ZNF527: variants seen among roughly 807,000 people sequenced by gnomAD.
ZNF527 encodes zinc finger protein 527.
ZNF527 carries 5 observed loss-of-function variants against 13.5 expected under a neutral mutation model. The ratio of observed to expected loss-of-function variants is 0.37; its 90% confidence interval spans 0.19 to 0.78. ZNF527 has a LOEUF of 0.78. Among genes scored for constraint, ZNF527 ranks in the 30% least tolerant of loss-of-function variants. The pLI, the probability that ZNF527 is intolerant of heterozygous loss-of-function variation, is 0.48. For synonymous variants in ZNF527, 209 were observed against 243.1 expected (o/e 0.86, Z 1.30); for missense variants, 628 against 726.4 (o/e 0.86, Z 1.56).
rs769851521 is a variant in ZNF527, at chr19:37,379,167, G to A, written c.81G>A (p.Glu27=). The A allele has an allele frequency of 3.7e-6, 6 of 1,614,022 alleles. No homozygotes were observed. The highest frequency in any genetic ancestry group is 2.5e-6 in the Non-Finnish European group (3 of 1,179,982). The change falls in exon 3 of 5, where the codon GAG becomes GAA. Residue 27 remains glutamate (E), a synonymous_variant. Transcript: ENST00000436120. ...RDVALDFSQE[E]WEWLKPSQKD... ...TGGCGCTAGACTTTTCCCAAGAAGA[G>A]TGGGAATGGCTGAAGCCATCTCAGA...
chr19:37,378,350 A>T (rs1028685560), intron 2 of ZNF527, among the ~76,000 whole-genome samples: 2 of 152,000 alleles, frequency 1.3e-5, no homozygotes, highest in African/African-American at 4.8e-5. Flanking sequence ...ATTTTTGATT[A>T]AAAAAAGAGA....
chr19:37,379,857 T>A (rs923667525), intron 3 of ZNF527, among the ~76,000 whole-genome samples: 17 of 152,304 alleles, frequency 1.1e-4, no homozygotes, highest in African/African-American at 4.1e-4. Flanking sequence ...GGGAATTTGT[T>A]AAAATGCAAA....
chr19:37,384,048 G>A (rs1325650182), intron 4 of ZNF527, among the ~76,000 whole-genome samples: 2 of 151,982 alleles, frequency 1.3e-5, no homozygotes, highest in African/African-American at 4.8e-5. Flanking sequence ...GGCTGGGTGT[G>A]GTGGCTCATG....
rs139521280 is a variant in ZNF527 at position 37,375,519 on chromosome 19, G to A, written c.33+1288G>A. Reference sequence around the variant, plus strand: ...TGGGACTATAGGCACACACCACCACGCCCAGCTAATTTTTGTATTTTTAGT... The same window carrying A: ...TGGGACTATAGGCACACACCACCACACCCAGCTAATTTTTGTATTTTTAGT... On this transcript the variant is annotated intron_variant, in intron 2 of 4. Transcript: ENST00000436120. Among the ~76,000 whole-genome samples, 68 of 151,302 alleles carry A rather than the reference G, an allele frequency of 4.5e-4. No individual in the cohort carries two copies. The East Asian group carries it at 0.012, about 27-fold the overall frequency.
In ZNF527 at chr19:37,388,788, G is replaced by A. The variant is rs777888168; in HGVS notation, c.739G>A (p.Glu247Lys). Residue 247 changes from glutamate to lysine, a missense_variant, in exon 5 of 5, where the codon GAA (glutamate) becomes AAA (lysine). Glu to Lys is a moderately conservative substitution (Grantham distance 56, BLOSUM62 1). Coordinates refer to ENST00000436120, the MANE Select transcript of ZNF527 (RefSeq NM_032453.2). ...IGIPPGEKPY[E>K]SHDFSKLLSF... ...AATTCCTCCTGGGGAGAAACCTTAT[G>A]AAAGTCATGATTTTTCAAAGCTCTT... is the stretch of plus-strand genomic sequence containing the variant. The A allele has an allele frequency of 1.3e-5, 21 of 1,612,904 alleles. No individual in the cohort carries two copies. In the Admixed American group the frequency reaches 3.5e-4, roughly 27 times the overall value.
intron 4 of ZNF527, among the ~76,000 whole-genome samples, chr19:37,384,621 C>T (rs1388623616): frequency 6.6e-6 from 1 of 152,184 alleles, no homozygotes; most frequent in Non-Finnish European, 1.5e-5. Flanking sequence ...TATGCTCGTA[C>T]TAACAATGAC....
intron 2 of ZNF527, among the ~76,000 whole-genome samples, chr19:37,378,642 T>C (rs2040626975): frequency 6.6e-6 from 1 of 152,232 alleles, no homozygotes; most frequent in Non-Finnish European, 1.5e-5. Flanking sequence ...ATGAAAATTC[T>C]ATCTAAGTTG....
rs910219130 is a variant in ZNF527 at position 37,389,755 on chromosome 19, T to C, written c.1706T>C (p.Leu569Pro). The change falls in exon 5 of 5, where the codon CTA becomes CCA. Residue 569 changes from leucine to proline, a missense_variant. Physicochemically the swap from Leu to Pro is moderately conservative, Grantham distance 98 (BLOSUM62 -3). Around this residue, in one of 3 missense-constraint regions of ZNF527, gnomAD observed 592 missense variants for 678.0 expected, o/e 0.87. Transcript: ENST00000436120. ...AAGGCTTTTCATCAGATCTTGTCCC[T>C]AAGACTACACCAGAGAATTCACGCT... is the stretch of plus-strand genomic sequence containing the variant. ...CGKAFHQILS[L>P]RLHQRIHAGE... 6.2e-7 allele frequency: 1 copy of C among 1,613,848 alleles called. No homozygotes were observed. Among genetic ancestry groups the C allele is most frequent in the African/African-American group, 1.3e-5 (1 of 75,054 alleles).
chr19:37,374,129 T>A, intron 1 of ZNF527, 29 bp from the exon 2 acceptor site: 1 of 1,489,358 alleles, frequency 6.7e-7, no homozygotes, highest in Non-Finnish European at 9.4e-7. Context: ...TGGCACATCA[T>A]CATTTCTTCA....
In ZNF527 at chr19:37,388,955, T is replaced by C. The variant is rs756422760; in HGVS notation, c.906T>C (p.Tyr302=). ...GAATTCACAGTGGAGAAAAACCATA[T>C]GCATGCAATGACTGTGGAAAAGCCT... ...PQRIHSGEKP[Y]ACNDCGKAFS... Residue 302 remains tyrosine, a synonymous_variant, in exon 5 of 5, where the codon TAT becomes TAC. Transcript: ENST00000436120. 9 of 1,461,106 alleles carry C rather than the reference T, an allele frequency of 6.2e-6. No individual in the cohort carries two copies. The highest frequency in any genetic ancestry group is 3.5e-5 in the Admixed American group (2 of 57,008). The allele number at this position is 1,461,106 out of a possible 1,614,324, so 90.5% of individuals were successfully genotyped here. A position where few individuals can be genotyped will look rare whatever the true frequency, so the allele number is the denominator to read the frequency against.
At chr19:37,373,867 T>C (rs1600261551) in intron 1 of ZNF527, among the ~76,000 whole-genome samples, 1 of 151,602 alleles carries the variant, frequency 6.6e-6, no homozygotes, top group Admixed American at 6.6e-5. Flanking sequence ...GGCGGAAGGG[T>C]AGGAAATTAG....
Position 37,391,391 on chromosome 19 carries a change from GAA to G in ZNF527, c.*1514_*1515del, listed in dbSNP as rs2040751046. On this transcript the variant is annotated 3_prime_UTR_variant, in exon 5 of 5. Transcript: ENST00000436120. The stretch of plus-strand genomic sequence containing the variant: ...TCGAGACCAGCCTGACCAACATGGA[GAA>G]ACCCCGTCTCTACTAAAAATACAAA... 1 of 151,978 alleles carries G rather than the reference GAA, an allele frequency of 6.6e-6. No homozygotes were observed. The highest frequency in any genetic ancestry group is 2.1e-4 in the South Asian group (1 of 4,824). The allele number at this position is 151,978 out of a possible 1,614,324, so 9.4% of individuals were successfully genotyped here. A position where few individuals can be genotyped will look rare whatever the true frequency, so the allele number is the denominator to read the frequency against.
chr19:37,382,184 A>G (rs1419645570), intron 4 of ZNF527, among the ~76,000 whole-genome samples: 1 of 152,092 alleles, frequency 6.6e-6, no homozygotes, highest in Admixed American at 6.6e-5. Context: ...TTTATTGGGA[A>G]ATGGTGTTTA....
intron 4 of ZNF527, among the ~76,000 whole-genome samples, chr19:37,383,572 CTTG>C (rs1417563280): frequency 7.0e-6 from 1 of 142,164 alleles, no homozygotes; most frequent in Non-Finnish European, 1.5e-5. Flanking sequence ...GAGTTTTTCT[CTTG>C]TTGTCCAGGC....
chr19:37,371,611 C>T (rs1311441559), intron 1 of ZNF527, among the ~76,000 whole-genome samples: 1 of 152,066 alleles, frequency 6.6e-6, no homozygotes, highest in Admixed American at 6.6e-5. Context: ...GATACAATTG[C>T]GTTTGAATGT....
intron 2 of ZNF527, among the ~76,000 whole-genome samples, chr19:37,375,487 G>A (rs998414303): frequency 1.3e-5 from 2 of 150,358 alleles, no homozygotes; most frequent in African/African-American, 2.4e-5. Flanking sequence ...TCAGCTTTCC[G>A]GGTAGCTGGG....
rs73930978 is a variant in ZNF527, at chr19:37,374,367, C to A, written c.33+136C>A. 866 of 776,220 alleles carry A rather than the reference C, an allele frequency of 1.1e-3. 6 individuals are homozygous for A. In the African/African-American group the frequency reaches 0.014, roughly 12 times the overall value. The allele number at this position is 776,220 out of a possible 1,614,324, so 48.1% of individuals were successfully genotyped here. A position where few individuals can be genotyped will look rare whatever the true frequency, so the allele number is the denominator to read the frequency against. On this transcript the variant is annotated intron_variant, in intron 2 of 4. Transcript: ENST00000436120. The stretch of plus-strand genomic sequence containing the variant: ...TCCACCTTTTGTTCATATAATCCTT[C>A]TACAAAACATTTAATATCTTTTTTA...
chr19:37,389,765 C>T lies in ZNF527; in HGVS notation c.1716C>T (p.His572=). Residue 572 remains histidine, a synonymous_variant, in exon 5 of 5, where the codon CAC becomes CAT. Transcript: ENST00000436120. The stretch of plus-strand genomic sequence containing the variant: ...ATCAGATCTTGTCCCTAAGACTACA[C>T]CAGAGAATTCACGCTGGAGAAAAAC... The part of the protein sequence containing the change: ...AFHQILSLRL[H]QRIHAGEKPY... The T allele has an allele frequency of 6.2e-7, 1 of 1,613,676 alleles. No individual in the cohort carries two copies. Among genetic ancestry groups the T allele is most frequent in the Non-Finnish European group, 8.5e-7 (1 of 1,180,002 alleles).
In ZNF527 at chr19:37,380,261, C is replaced by A. The variant is rs202185704; in HGVS notation, c.161-16C>A. On this transcript the variant is annotated splice_polypyrimidine_tract_variant and intron_variant, in intron 3 of 4. Transcript: ENST00000436120. Reference sequence around the variant, plus strand: ...CTTTCTGTCTCTTGCTCTCATTTTTCTTCCCCTGTGAACAGGACTCTCCAT... The same window carrying A: ...CTTTCTGTCTCTTGCTCTCATTTTTATTCCCCTGTGAACAGGACTCTCCAT... The A allele has an allele frequency of 3.0e-4, 484 of 1,612,172 alleles. No individual in the cohort carries two copies. The highest frequency in any genetic ancestry group is 3.9e-4 in the Non-Finnish European group (461 of 1,179,174).
Sources: gnomAD v4.1 joint callset for allele counts (sites outside exome capture counted in the v4.1 genomes callset) on GRCh38, gnomAD v4.1.1 for gene constraint, gnomAD v4.1.1 regional missense constraint, MANE v1.5 for transcripts, NCBI Gene and HGNC (gene_info 2026-07-23, HGNC 2026-07-21) for gene names.